The following EIF2AK4 variants were observed in gnomAD, a reference collection of about 807,000 sequenced individuals.
EIF2AK4 encodes eIF-2-alpha kinase GCN2.
EIF2AK4 carries 139 observed loss-of-function variants against 211.1 expected under a neutral mutation model. The ratio of observed to expected loss-of-function variants is 0.66; its 90% CI spans 0.57 to 0.76. The LOEUF (loss-of-function observed/expected upper bound fraction) is 0.76. Ranked by LOEUF, EIF2AK4 falls within the 30% of genes least tolerant of loss-of-function variation. The probability of loss-of-function intolerance (pLI) is 0.00; values close to 1 mark genes in which losing one functional copy is unlikely to be tolerated. For synonymous variants in EIF2AK4, 710 were observed against 751.3 expected, an observed-to-expected ratio of 0.94 and a Z score of 0.90; for missense variants, 1,664 against 2,043.8, an observed-to-expected ratio of 0.81 and a Z score of 3.58.
intron 30 of EIF2AK4, among the ~76,000 whole-genome samples, chr15:40,019,438 G>A (rs1047858625): frequency 7.9e-5 from 12 of 152,298 alleles, no homozygotes; most frequent in African/African-American, 2.2e-4. Flanking sequence ...CTAACCCCCA[G>A]GCAGTGGACT....
chr15:39,976,590 G>A lies in EIF2AK4; in HGVS notation c.1995G>A (p.Pro665=), dbSNP rs200979426. Residue 665 remains proline (P), a synonymous_variant, in exon 12 of 39, where the codon CCG becomes CCA. Transcript: ENST00000263791. The part of the protein sequence containing the change: ...WIERHERPAG[P]GTPPPDSGPL... ...AGCGGCACGAGCGGCCGGCGGGACC[G>A]GGGACGCCGCCCCCGGACTCCGGGC... 2.9e-5 allele frequency: 46 copies of A among 1,609,714 alleles called. No individual in the cohort carries two copies. In the Admixed American group the frequency reaches 5.7e-4, roughly 20 times the overall value.
chr15:39,969,290 A>G (rs1168719067), intron 9 of EIF2AK4, among the ~76,000 whole-genome samples: 8 of 150,424 alleles, frequency 5.3e-5, no homozygotes, highest in Non-Finnish European at 1.0e-4. Flanking sequence ...AAACTTTCCT[A>G]GTTCTCTTCT....
Position 40,030,340 on chromosome 15 carries a change from G to C in EIF2AK4, c.4562-19G>C, listed in dbSNP as rs1289410358. 6.2e-7 allele frequency: 1 copy of C among 1,612,608 alleles called. No homozygotes were observed. Among genetic ancestry groups the C allele is most frequent in the Non-Finnish European group, 8.5e-7 (1 of 1,179,216 alleles). On this transcript the variant is annotated intron_variant, in intron 34 of 38. Coordinates refer to ENST00000263791, the MANE Select transcript of EIF2AK4 (RefSeq NM_001013703.4). ...GGGACCAGATAAGGCCATAAATTCT[G>C]AAACTCTCTTGGTCTCAGGTTTGTT...
At chr15:40,009,469 GA>G (rs1322213329) in intron 25 of EIF2AK4, 144 bp from the exon 26 acceptor site, 164 of 566,632 alleles carry the variant, frequency 2.9e-4, no homozygotes, top group Admixed American at 5.5e-4. Context: ...AAGAATGTAT[GA>G]AAAAAAAATA....
intron 31 of EIF2AK4, chr15:40,022,277 A>T (rs55799306): frequency 2.7e-6 from 1 of 375,358 alleles, no homozygotes; most frequent in African/African-American, 2.1e-5. Flanking sequence ...AAAACCTCTT[A>T]CTATTGATTG....
Position 40,016,574 on chromosome 15 carries a change from AT to A in EIF2AK4, c.3833del (p.Ile1278LysfsTer11). On this transcript the variant is annotated frameshift_variant, in exon 28 of 39. Coordinates refer to ENST00000263791, the MANE Select transcript of EIF2AK4 (RefSeq NM_001013703.4). LOFTEE classifies it high-confidence loss of function. ...QDLMPTINSL[I>X]KQKTGIAQLV... ...TCTTATGCCAACAATAAATTCATTA[AT>A]AAAACAGAAAACAGGTATTGCACAG... 6.2e-7 allele frequency: 1 copy of A among 1,614,258 alleles called. No homozygotes were observed. The highest frequency in any genetic ancestry group is 8.5e-7 in the Non-Finnish European group (1 of 1,180,034).
intron 33 of EIF2AK4, among the ~76,000 whole-genome samples, chr15:40,026,887 T>G (rs567990249): frequency 6.6e-6 from 1 of 152,180 alleles, no homozygotes; most frequent in Non-Finnish European, 1.5e-5. Flanking sequence ...TTTCAGGAAT[T>G]TATAATAAAA....
intron 6 of EIF2AK4, among the ~76,000 whole-genome samples, chr15:39,960,364 A>T (rs75827339): frequency 6.6e-6 from 1 of 151,822 alleles, no homozygotes; most frequent in Non-Finnish European, 1.5e-5. Context: ...AGGGCAGGGG[A>T]GATAGAGAGG....
chr15:39,966,993 T>C (rs1228389270), intron 8 of EIF2AK4, among the ~76,000 whole-genome samples: 2 of 152,202 alleles, frequency 1.3e-5, no homozygotes, highest in African/African-American at 4.8e-5. Context: ...TAAATTAAAG[T>C]TTGTTTTTTC....
At chr15:39,998,871 C>A in intron 20 of EIF2AK4, 87 bp downstream of exon 20, 1 of 1,111,858 alleles carries the variant, frequency 9.0e-7, no homozygotes, top group East Asian at 2.6e-5. Flanking sequence ...AATCTTCTGC[C>A]ACTCATTCTC....
intron 18 of EIF2AK4, among the ~76,000 whole-genome samples, chr15:39,994,744 A>G (rs2034996767): frequency 1.3e-5 from 2 of 152,234 alleles, no homozygotes; most frequent in African/African-American, 4.8e-5. Context: ...ATAAAGTTGA[A>G]ACAGACATCT....
chr15:39,964,993 A>G (rs12441927), intron 7 of EIF2AK4, among the ~76,000 whole-genome samples: 52,527 of 152,006 alleles, frequency 0.35, 9,136 homozygotes, highest in Middle Eastern at 0.36. Context: ...CTTGTTCTCT[A>G]TTTTCATATT....
chr15:39,965,212 C>T (rs371144391), intron 7 of EIF2AK4, among the ~76,000 whole-genome samples: 4 of 152,320 alleles, frequency 2.6e-5, no homozygotes, highest in East Asian at 3.9e-4. Context: ...ACCTCCGCCT[C>T]CCAGGTTCAA....
chr15:40,008,931 G>A (rs574948215), intron 25 of EIF2AK4, among the ~76,000 whole-genome samples: 2 of 152,226 alleles, frequency 1.3e-5, no homozygotes, highest in African/African-American at 4.8e-5. Flanking sequence ...CTCATTAATC[G>A]ATTTGTGTGG....
chr15:40,023,859 G>A (rs2035426769), intron 32 of EIF2AK4, among the ~76,000 whole-genome samples: 2 of 152,004 alleles, frequency 1.3e-5, no homozygotes, highest in Non-Finnish European at 2.9e-5. Context: ...TCTTCAGGTA[G>A]AACTTTAGAT....
intron 23 of EIF2AK4, among the ~76,000 whole-genome samples, chr15:40,005,867 G>T (rs12899936): frequency 3.3e-5 from 5 of 151,788 alleles, no homozygotes; most frequent in African/African-American, 1.2e-4. Flanking sequence ...CACCGCACCC[G>T]GCCTGCATAC....
At position 40,025,892 on chromosome 15, in the gene EIF2AK4, A is replaced by G. The variant is rs542497464; in HGVS notation, c.4390-85A>G. The G allele has an allele frequency of 7.7e-6, 10 of 1,303,018 alleles. No individual in the cohort carries two copies. In the African/African-American group the frequency reaches 1.2e-4, roughly 15 times the overall value. The allele number at this position is 1,303,018 out of a possible 1,614,324, so 80.7% of individuals were successfully genotyped here. On this transcript the variant is annotated intron_variant, in intron 32 of 38. Coordinates refer to ENST00000263791, the MANE Select transcript of EIF2AK4 (RefSeq NM_001013703.4). ...TAAGAACCACTGACCCAAACTATTG[A>G]TTTAGTAGTCTTACTGTGGTGCTCT...
chr15:40,007,076 A>G lies in EIF2AK4; in HGVS notation c.3407+11A>G, dbSNP rs370053147. ...ATTGAATTTAAAACGGTAAGAAACA[A>G]TAGGAGATTCCATTTGGTAGACATA... On this transcript the variant is annotated intron_variant, in intron 24 of 38. Coordinates refer to ENST00000263791, the MANE Select transcript of EIF2AK4 (RefSeq NM_001013703.4). 1.3e-6 allele frequency: 2 copies of G among 1,579,136 alleles called. No homozygotes were observed. The highest frequency in any genetic ancestry group is 2.7e-5 in the African/African-American group (2 of 74,196).
chr15:39,965,312 C>T (rs1484998641), intron 7 of EIF2AK4, among the ~76,000 whole-genome samples: 1 of 151,986 alleles, frequency 6.6e-6, no homozygotes, highest in Non-Finnish European at 1.5e-5. Context: ...TTAGTAGCGA[C>T]GGGGTTTCAC....
Sources: allele counts gnomAD v4.1 joint callset (sites outside exome capture counted in the v4.1 genomes callset), GRCh38; gene constraint gnomAD v4.1.1; transcripts MANE v1.5; gene names NCBI Gene and HGNC (gene_info 2026-07-23, HGNC 2026-07-21).